The following CNTNAP3 variants were observed in gnomAD, a reference collection of about 807,000 sequenced individuals.
The protein encoded by CNTNAP3 is contactin-associated protein-like 3.
Under a neutral mutation model 92.1 loss-of-function variants are expected in CNTNAP3, and 36 were observed. That is an observed-to-expected ratio of 0.39 (90% CI 0.30 to 0.52). CNTNAP3 has a LOEUF of 0.52. Among genes scored for constraint, CNTNAP3 ranks in the 20% least tolerant of loss-of-function variants. CNTNAP3 has a pLI of 0.76. For missense variants in CNTNAP3, 534 were observed against 1,069.6 expected (o/e 0.50, Z 6.98); for synonymous variants, 232 against 422.3 (o/e 0.55, Z 5.53).
At chr9:39,154,855 G>T (rs4062754) in intron 9 of CNTNAP3, 30,831 of 227,568 alleles carry the variant, frequency 0.14, 2,911 homozygotes, top group East Asian at 0.19. Context: ...TGCAGGGGCT[G>T]CGAGATGCCT....
intron 12 of CNTNAP3, among the ~76,000 whole-genome samples, chr9:39,135,953 C>T (rs1821419562): frequency 6.6e-6 from 1 of 151,772 alleles, no homozygotes; most frequent in African/African-American, 2.4e-5. Flanking sequence ...CATGGTAAAA[C>T]CCTATCTCTA....
At chr9:39,090,964 C>T (rs117407809) in intron 18 of CNTNAP3, among the ~76,000 whole-genome samples, 36,268 of 143,196 alleles carry the variant, frequency 0.25, 4,595 homozygotes, top group East Asian at 0.41. Context: ...AATTGTTTTA[C>T]TGGTTTTATT....
chr9:39,102,329 T>G (rs930370056), intron 17 of CNTNAP3, among the ~76,000 whole-genome samples, 168 bp downstream of exon 17: 2 of 152,298 alleles, frequency 1.3e-5, no homozygotes, highest in Non-Finnish European at 2.9e-5. Context: ...AAATGTCAAA[T>G]AAGAAGCACA....
chr9:39,117,725 T>C (rs1026235805), intron 14 of CNTNAP3, among the ~76,000 whole-genome samples: 1 of 152,182 alleles, frequency 6.6e-6, no homozygotes, highest in Non-Finnish European at 1.5e-5. Context: ...ATATGCAGCA[T>C]TATATCCCAA....
chr9:39,144,164 G>T (rs1232896742), intron 11 of CNTNAP3, 76 bp downstream of exon 11: 6 of 1,442,704 alleles, frequency 4.2e-6, no homozygotes, highest in Non-Finnish European at 5.5e-6. Context: ...CAAATATGCA[G>T]ATACATATAA....
chr9:39,069,536 C>T lies in CNTNAP3; in HGVS notation c.*4354G>A, dbSNP rs1371153196. Among the ~76,000 whole-genome samples, 3 of 152,210 alleles carry T rather than the reference C, an allele frequency of 2.0e-5. No homozygotes were observed. Among genetic ancestry groups the T allele is most frequent in the Non-Finnish European group, 4.4e-5 (3 of 68,030 alleles). ...CCTCACATTTTAAAATATATAATGGCACAATAAAATGCAAAAATATAATTT... is the reference window on the plus strand; with the variant it reads ...CCTCACATTTTAAAATATATAATGGTACAATAAAATGCAAAAATATAATTT... On this transcript the variant is annotated 3_prime_UTR_variant, in exon 24 of 24. Coordinates refer to ENST00000297668, the MANE Select transcript of CNTNAP3 (RefSeq NM_033655.5).
chr9:39,159,367 T>TTATA (rs376455872), intron 9 of CNTNAP3: 2 of 131,858 alleles, frequency 1.5e-5, no homozygotes, highest in Admixed American at 7.6e-5. Flanking sequence ...TTTAAAAATA[T>TTATA]TATATATATA....
intron 13 of CNTNAP3, among the ~76,000 whole-genome samples, chr9:39,120,693 A>G (rs1391273412): frequency 6.6e-6 from 1 of 152,124 alleles, no homozygotes; most frequent in African/African-American, 2.4e-5. Context: ...ACAACAAAAA[A>G]CCTTTTTAAC....
At chr9:39,075,257 AAGTC>A (rs1825729411) in intron 23 of CNTNAP3, among the ~76,000 whole-genome samples, 1 of 151,114 alleles carries the variant, frequency 6.6e-6, no homozygotes, top group South Asian at 2.1e-4. Context: ...GCTGCACACT[AAGTC>A]AGTAAATCAG....
At chr9:39,103,215 T>C (rs1008067627) in intron 16 of CNTNAP3, among the ~76,000 whole-genome samples, 2 of 151,878 alleles carry the variant, frequency 1.3e-5, no homozygotes, top group African/African-American at 4.8e-5. Context: ...TCTGCTGTTC[T>C]GTACTCTAGG....
At chr9:39,103,010 A>G (rs1242809148) in intron 16 of CNTNAP3, among the ~76,000 whole-genome samples, 1 of 152,012 alleles carries the variant, frequency 6.6e-6, no homozygotes, top group African/African-American at 2.4e-5. Context: ...TAGCTAGAAT[A>G]CCAAATAGTA....
At chr9:39,105,198 C>A (rs1034333397) in intron 15 of CNTNAP3, among the ~76,000 whole-genome samples, 1 of 152,084 alleles carries the variant, frequency 6.6e-6, no homozygotes, top group African/African-American at 2.4e-5. Context: ...GAGGCCAAGG[C>A]GGGCGGATCA....
chr9:39,142,313 C>A (rs984856847), intron 11 of CNTNAP3, among the ~76,000 whole-genome samples: 2 of 152,136 alleles, frequency 1.3e-5, no homozygotes, highest in Non-Finnish European at 2.9e-5. Context: ...GTACTCCCTG[C>A]ACCAACTCTA....
chr9:39,162,367 A>G (rs1191820325), intron 9 of CNTNAP3, among the ~76,000 whole-genome samples: 1 of 15,178 alleles, frequency 6.6e-5, no homozygotes, highest in East Asian at 1.0e-3. Flanking sequence ...GAGAAAAGGG[A>G]GTGCTTATAC....
At position 39,117,181 on chromosome 9, in the gene CNTNAP3, G is replaced by C. The variant is rs190322653; in HGVS notation, c.2237+922C>G. Among the ~76,000 whole-genome samples the C allele has an allele frequency of 2.9e-3, 435 of 152,130 alleles. 1 individual carries two copies. Among genetic ancestry groups the C allele is most frequent in the Non-Finnish European group, 5.2e-3 (356 of 68,004 alleles). ...TAATTTTTGTATTTTCAGTGGATAC[G>C]GGGTTTTGCCACATTGGCCAGGCTG... is the stretch of plus-strand genomic sequence containing the variant. On this transcript the variant is annotated intron_variant, in intron 14 of 23. Coordinates refer to ENST00000297668, the MANE Select transcript of CNTNAP3 (RefSeq NM_033655.5).
chr9:39,129,485 AGG>A (rs1401031698), intron 13 of CNTNAP3, among the ~76,000 whole-genome samples: 6 of 152,218 alleles, frequency 3.9e-5, no homozygotes, highest in Non-Finnish European at 8.8e-5. Flanking sequence ...GTCCCAAAAT[AGG>A]GCATGGAATT....
At chr9:39,084,001 A>AT (rs1186459789) in intron 21 of CNTNAP3, among the ~76,000 whole-genome samples, 2 of 151,152 alleles carry the variant, frequency 1.3e-5, no homozygotes, top group South Asian at 2.1e-4. Flanking sequence ...ATTTTGGACC[A>AT]TTTTTTTCTA....
intron 9 of CNTNAP3, among the ~76,000 whole-genome samples, chr9:39,152,781 G>A (rs1437680923): frequency 1.5e-5 from 2 of 133,628 alleles, no homozygotes; most frequent in Non-Finnish European, 1.6e-5. Flanking sequence ...TCAGCCTCCC[G>A]AGTGGCTGGG....
At chr9:39,124,068 C>A (rs1450951845) in intron 13 of CNTNAP3, among the ~76,000 whole-genome samples, 1 of 151,830 alleles carries the variant, frequency 6.6e-6, no homozygotes, top group Admixed American at 6.6e-5. Flanking sequence ...GGTAACAGCT[C>A]TAAATAATAC....
Sources: gnomAD v4.1 joint callset for allele counts (sites outside exome capture counted in the v4.1 genomes callset) on GRCh38, gnomAD v4.1.1 for gene constraint, MANE v1.5 for transcripts, NCBI Gene and HGNC (gene_info 2026-07-23, HGNC 2026-07-21) for gene names.